Variants in MOB4 observed in about 807,000 individuals in gnomAD.
MOB4 encodes MOB-like protein phocein.
In MOB4, 4 loss-of-function variants were observed where a neutral mutation model predicts 32.2. That is an observed-to-expected ratio of 0.12 (90% CI 0.06 to 0.28). The LOEUF (loss-of-function observed/expected upper bound fraction) is 0.28. Among genes scored for constraint, MOB4 ranks in the 10% least tolerant of loss-of-function variants. MOB4 has a pLI of 1.00. For synonymous variants in MOB4, 88 were observed against 88.1 expected, an observed-to-expected ratio of 1.00 and a Z score of 0.01; for missense variants, 158 against 271.2, an observed-to-expected ratio of 0.58 and a Z score of 2.93.
rs1339282941 is a variant in MOB4, at chr2:197,552,321, A to G, written c.*1675A>G. The G allele has an allele frequency of 6.6e-6, 1 of 152,338 alleles. No individual in the cohort carries two copies. The highest frequency in any genetic ancestry group is 1.5e-5 in the Non-Finnish European group (1 of 68,038). The allele number at this position is 152,338 out of a possible 1,614,324, so 9.4% of individuals were successfully genotyped here. The stretch of plus-strand genomic sequence containing the variant: ...AAACCAATGGTAATGGTAATTTTTA[A>G]ACTTGCTAAATATTGAGAAACTAAA... On this transcript the variant is annotated 3_prime_UTR_variant, in exon 8 of 8. Coordinates refer to ENST00000323303, the MANE Select transcript of MOB4 (RefSeq NM_015387.5).
chr2:197,533,908 A>G, intron 2 of MOB4: 1 of 615,712 alleles, frequency 1.6e-6, no homozygotes, highest in South Asian at 1.4e-5. Flanking sequence ...AAAACTGAGT[A>G]ATAAAATCAG....
At chr2:197,536,559 G>A (rs1214405255) in intron 3 of MOB4, among the ~76,000 whole-genome samples, 2 of 140,200 alleles carry the variant, frequency 1.4e-5, no homozygotes, top group African/African-American at 2.7e-5. Flanking sequence ...TAGTATTTCC[G>A]TTTCCCCATT....
intron 3 of MOB4, among the ~76,000 whole-genome samples, chr2:197,538,344 A>G (rs897354371): frequency 1.4e-5 from 2 of 143,966 alleles, no homozygotes; most frequent in African/African-American, 5.1e-5. Flanking sequence ...ATATTCTTTT[A>G]TCTCTTTATT....
Position 197,535,558 on chromosome 2 carries a change from G to T in MOB4, c.152G>T (p.Cys51Phe), listed in dbSNP as rs2086783325. 1.9e-6 allele frequency: 3 copies of T among 1,611,748 alleles called. No individual in the cohort carries two copies. Among genetic ancestry groups the T allele is most frequent in the South Asian group, 2.2e-5 (2 of 90,432 alleles). ...ATTCAACAGAACATAAGAGCAGATT[G>T]CTCCAATATTGACAAAATTCTTGAA... ...QYIQQNIRAD[C>F]SNIDKILEPP... Residue 51 changes from cysteine (C) to phenylalanine (F), a missense_variant, in exon 3 of 8, where the codon TGC (cysteine) becomes TTC (phenylalanine). Cys to Phe is a radical substitution (Grantham distance 205). Coordinates refer to ENST00000323303, the MANE Select transcript of MOB4 (RefSeq NM_015387.5).
At chr2:197,540,816 C>G (rs1218734608) in intron 5 of MOB4, among the ~76,000 whole-genome samples, 1 of 152,034 alleles carries the variant, frequency 6.6e-6, no homozygotes, top group Admixed American at 6.6e-5. Flanking sequence ...AGAAATGTTA[C>G]TTTTGAGCTT....
At chr2:197,517,790 G>C (rs1206946272) in intron 1 of MOB4, among the ~76,000 whole-genome samples, 1 of 152,076 alleles carries the variant, frequency 6.6e-6, no homozygotes, top group African/African-American at 2.4e-5. Context: ...GTTCTAAAAT[G>C]ATATATTTAG....
intron 3 of MOB4, among the ~76,000 whole-genome samples, chr2:197,537,600 C>A (rs1279022861): frequency 6.6e-6 from 1 of 152,108 alleles, no homozygotes; most frequent in African/African-American, 2.4e-5. Flanking sequence ...TATCCTTTGC[C>A]AGTTTTTAGA....
chr2:197,538,308 T>A (rs890891650), intron 3 of MOB4, among the ~76,000 whole-genome samples: 1 of 152,078 alleles, frequency 6.6e-6, no homozygotes, highest in Admixed American at 6.6e-5. Context: ...CACTTTTTGG[T>A]CTGGGTTGTA....
chr2:197,536,410 G>A (rs530552976), intron 3 of MOB4, among the ~76,000 whole-genome samples: 125 of 152,042 alleles, frequency 8.2e-4, no homozygotes, highest in African/African-American at 2.9e-3. Context: ...TCACCATGTT[G>A]CCTAGGCTGG....
intron 6 of MOB4, among the ~76,000 whole-genome samples, chr2:197,549,721 T>C (rs2087060435): frequency 1.3e-5 from 2 of 151,956 alleles, no homozygotes; most frequent in African/African-American, 4.8e-5. Context: ...GGCTGATTTT[T>C]GTATTTTCTA....
Position 197,552,677 on chromosome 2 carries a change from G to A in MOB4, c.*2031G>A, listed in dbSNP as rs1315734556. 6.6e-6 allele frequency: 1 copy of A among 152,248 alleles called. No individual in the cohort carries two copies. Among genetic ancestry groups the A allele is most frequent in the East Asian group, 1.9e-4 (1 of 5,338 alleles). 9.4% of individuals were successfully genotyped at this position (152,248 alleles called of 1,614,324 possible). On this transcript the variant is annotated 3_prime_UTR_variant, in exon 8 of 8. Transcript: ENST00000323303. The stretch of plus-strand genomic sequence containing the variant: ...TGATAATCTTACTAATTGTGAAGTT[G>A]ATTCACTACTATACTAGGTAAGACC...
At chr2:197,517,546 TAA>T (rs2086436573) in intron 1 of MOB4, among the ~76,000 whole-genome samples, 1 of 152,234 alleles carries the variant, frequency 6.6e-6, no homozygotes, top group Non-Finnish European at 1.5e-5. Context: ...CATTTATTCA[TAA>T]GTTCTTAATT....
At chr2:197,532,685 C>CA (rs796974247) in intron 2 of MOB4, among the ~76,000 whole-genome samples, 49 of 146,932 alleles carry the variant, frequency 3.3e-4, no homozygotes, top group African/African-American at 9.0e-4. Context: ...AACTCTATCT[C>CA]AAAAAAAAAA....
chr2:197,533,943 GA>G, intron 2 of MOB4: 2 of 583,228 alleles, frequency 3.4e-6, no homozygotes, highest in Non-Finnish European at 3.3e-6. Flanking sequence ...GGAGACATTG[GA>G]AAAGAACCAA....
intron 5 of MOB4, among the ~76,000 whole-genome samples, chr2:197,547,782 T>C (rs577641526): frequency 3.5e-4 from 53 of 152,340 alleles, no homozygotes; most frequent in Non-Finnish European, 5.4e-4. Context: ...ACAATTACTT[T>C]GCAGTTTTAT....
At chr2:197,516,651 C>T (rs765008363) in intron 1 of MOB4, 2 of 471,944 alleles carry the variant, frequency 4.2e-6, no homozygotes, top group South Asian at 3.1e-5. Flanking sequence ...ATCCGGGTGC[C>T]GATATTCTCC....
At chr2:197,542,739 A>G (rs1344109926) in intron 5 of MOB4, among the ~76,000 whole-genome samples, 2 of 152,308 alleles carry the variant, frequency 1.3e-5, no homozygotes, top group East Asian at 3.9e-4. Context: ...TGTAAACACC[A>G]TTACATAGTA....
At chr2:197,532,109 A>G (rs1042383572) in intron 2 of MOB4, among the ~76,000 whole-genome samples, 7 of 146,286 alleles carry the variant, frequency 4.8e-5, no homozygotes, top group Non-Finnish European at 7.6e-5. Flanking sequence ...GTGTGTCACC[A>G]TGTTGGCCAG....
intron 2 of MOB4, among the ~76,000 whole-genome samples, chr2:197,534,743 C>G (rs2086768395): frequency 6.6e-6 from 1 of 152,118 alleles, no homozygotes; most frequent in African/African-American, 2.4e-5. Context: ...TTGGGTTTCA[C>G]TATATTAGCC....
Sources: allele counts gnomAD v4.1 joint callset (sites outside exome capture counted in the v4.1 genomes callset), GRCh38; gene constraint gnomAD v4.1.1; transcripts MANE v1.5; gene names NCBI Gene and HGNC (gene_info 2026-07-23, HGNC 2026-07-21).